The following RBMS3 variants were observed in gnomAD, a reference collection of about 807,000 sequenced individuals.
The protein encoded by RBMS3 is RNA-binding motif, single-stranded-interacting protein 3.
In RBMS3, 27 loss-of-function variants were observed where a neutral mutation model predicts 66.8. The observed-to-expected ratio is 0.40, with a 90% CI of 0.30 to 0.56. RBMS3 has a LOEUF of 0.56. Among genes scored for constraint, RBMS3 ranks in the 20% least tolerant of loss-of-function variants. The pLI, the probability that RBMS3 is intolerant of heterozygous loss-of-function variation, is 0.40. For missense variants in RBMS3, 513 were observed against 549.5 expected (o/e 0.93, Z 0.66); for synonymous variants, 188 against 183.0 (o/e 1.03, Z -0.22).
intron 3 of RBMS3, among the ~76,000 whole-genome samples, chr3:29,559,510 C>CAGAAAAAAAAAAAAA (rs2046470666): frequency 2.4e-5 from 1 of 41,370 alleles, no homozygotes; most frequent in African/African-American, 7.5e-5. Flanking sequence ...GACTCTGTCT[C>CAGAAAAAAAAAAAAA]AAAAAAAAAA....
At chr3:29,877,115 A>G (rs7651260) in intron 7 of RBMS3, among the ~76,000 whole-genome samples, 38,714 of 152,184 alleles carry the variant, frequency 0.25, 6,747 homozygotes, top group African/African-American at 0.5. Context: ...CATTGAACTT[A>G]CTAGTTAAAC....
intron 3 of RBMS3, among the ~76,000 whole-genome samples, chr3:29,562,576 C>A (rs2046594582): frequency 1.3e-5 from 2 of 152,058 alleles, no homozygotes; most frequent in Admixed American, 6.6e-5. Context: ...TCTACCTGAA[C>A]CAAGGAATAA....
At chr3:29,838,472 C>T (rs1240619422) in intron 6 of RBMS3, among the ~76,000 whole-genome samples, 3 of 152,006 alleles carry the variant, frequency 2.0e-5, no homozygotes, top group African/African-American at 4.8e-5. Context: ...ATGTTAATTT[C>T]GGCCCACCTG....
chr3:29,779,136 C>T (rs756429885), intron 6 of RBMS3, among the ~76,000 whole-genome samples: 1 of 151,762 alleles, frequency 6.6e-6, no homozygotes, highest in Non-Finnish European at 1.5e-5. Flanking sequence ...TGACCCAAGC[C>T]ATGAACTTGG....
intron 3 of RBMS3, among the ~76,000 whole-genome samples, chr3:29,575,938 A>C (rs2047104511): frequency 6.6e-6 from 1 of 152,062 alleles, no homozygotes; most frequent in Non-Finnish European, 1.5e-5. Context: ...AAATTTCCTC[A>C]AACAGCTATT....
intron 3 of RBMS3, among the ~76,000 whole-genome samples, chr3:29,579,540 A>G (rs1179073251): frequency 2.0e-5 from 3 of 152,182 alleles, no homozygotes; most frequent in Non-Finnish European, 4.4e-5. Context: ...TTCTAGAGCT[A>G]TAATTAAAGT....
intron 3 of RBMS3, among the ~76,000 whole-genome samples, chr3:29,568,560 C>T (rs1438560993): frequency 6.6e-6 from 1 of 152,192 alleles, no homozygotes; most frequent in Non-Finnish European, 1.5e-5. Flanking sequence ...TTATTCAATG[C>T]CCAGAACCGA....
At chr3:29,702,511 G>T (rs1296882606) in intron 4 of RBMS3, among the ~76,000 whole-genome samples, 2 of 152,178 alleles carry the variant, frequency 1.3e-5, no homozygotes, top group Non-Finnish European at 2.9e-5. Flanking sequence ...TGGAAGCTTT[G>T]TTCTTTTGCT....
At chr3:29,905,479 A>G (rs1262187926) in intron 10 of RBMS3, among the ~76,000 whole-genome samples, 1 of 151,992 alleles carries the variant, frequency 6.6e-6, no homozygotes, top group Admixed American at 6.6e-5. Context: ...GCCATAACAA[A>G]TTTTACCAAA....
intron 3 of RBMS3, among the ~76,000 whole-genome samples, chr3:29,503,332 CG>C (rs2044049462): frequency 6.6e-6 from 1 of 151,968 alleles, no homozygotes. Flanking sequence ...TAATTCTTAC[CG>C]AGATTTACCT....
intron 4 of RBMS3, among the ~76,000 whole-genome samples, chr3:29,608,440 G>T (rs1240057026): frequency 6.6e-6 from 1 of 151,934 alleles, no homozygotes; most frequent in Non-Finnish European, 1.5e-5. Context: ...GTTTCATTGT[G>T]ATATAAGGAT....
At chr3:29,616,910 T>A (rs953037447) in intron 4 of RBMS3, 5 of 152,150 alleles carry the variant, frequency 3.3e-5, no homozygotes, top group African/African-American at 1.2e-4. Context: ...TCCAAGCTGG[T>A]TGGGAGAAAT....
intron 4 of RBMS3, among the ~76,000 whole-genome samples, chr3:29,726,951 C>T (rs1007025972): frequency 1.3e-5 from 2 of 152,136 alleles, no homozygotes; most frequent in African/African-American, 4.8e-5. Flanking sequence ...CATCACAATA[C>T]CCGACTTTAA....
At chr3:29,532,237 C>CATACATATAT (rs2045380447) in intron 3 of RBMS3, among the ~76,000 whole-genome samples, 2 of 92,136 alleles carry the variant, frequency 2.2e-5, no homozygotes, top group African/African-American at 1.3e-4. Flanking sequence ...TTTAATTTCG[C>CATACATATAT]ATATATATGT....
intron 6 of RBMS3, among the ~76,000 whole-genome samples, chr3:29,862,003 G>A (rs2059228410): frequency 6.6e-6 from 1 of 152,122 alleles, no homozygotes; most frequent in Non-Finnish European, 1.5e-5. Flanking sequence ...TGTTAAAAGA[G>A]ACTACATGAA....
intron 2 of RBMS3, among the ~76,000 whole-genome samples, chr3:29,448,747 T>C (rs887282622): frequency 1.3e-5 from 2 of 152,176 alleles, no homozygotes; most frequent in African/African-American, 4.8e-5. Flanking sequence ...GCAGGCAAAC[T>C]AGGCCTCCCG....
chr3:29,651,618 G>C (rs2050147136), intron 4 of RBMS3, among the ~76,000 whole-genome samples: 1 of 151,986 alleles, frequency 6.6e-6, no homozygotes, highest in African/African-American at 2.4e-5. Context: ...ATTGAAAGTT[G>C]GTTAGTTTTT....
chr3:29,681,255 G>A (rs528791816), intron 4 of RBMS3, among the ~76,000 whole-genome samples: 139 of 152,300 alleles, frequency 9.1e-4, no homozygotes, highest in Middle Eastern at 3.4e-3. Flanking sequence ...AATGTACAAA[G>A]AGAAAGCTAA....
At chr3:29,743,248 T>G (rs1352702337) in intron 5 of RBMS3, among the ~76,000 whole-genome samples, 1 of 152,244 alleles carries the variant, frequency 6.6e-6, no homozygotes, top group African/African-American at 2.4e-5. Flanking sequence ...CTTGCACAAA[T>G]GTTTCTCCTT....
Sources: allele counts gnomAD v4.1 joint callset (sites outside exome capture counted in the v4.1 genomes callset), GRCh38; gene constraint gnomAD v4.1.1; transcripts MANE v1.5; gene names NCBI Gene and HGNC (gene_info 2026-07-23, HGNC 2026-07-21).